Variants in ANKRD31 observed in about 807,000 individuals in gnomAD.
ANKRD31 encodes ankyrin repeat domain-containing protein 31.
Under a neutral mutation model 186.0 loss-of-function variants are expected in ANKRD31, and 147 were observed. The observed-to-expected ratio is 0.79, with a 90% CI of 0.69 to 0.91. The LOEUF is 0.91. Among genes scored for constraint, ANKRD31 ranks in the 40% least tolerant of loss-of-function variants. ANKRD31 has a pLI of 0.00. For synonymous variants in ANKRD31, 673 were observed against 736.4 expected (o/e 0.91, Z 1.39); for missense variants, 1,986 against 2,148.8 (o/e 0.92, Z 1.50).
At chr5:75,195,155 A>G (rs1372006048) in intron 7 of ANKRD31, among the ~76,000 whole-genome samples, 1 of 152,098 alleles carries the variant, frequency 6.6e-6, no homozygotes, top group African/African-American at 2.4e-5. Flanking sequence ...TAAGCTAGGC[A>G]TATTTTTTCC....
In ANKRD31 at chr5:75,104,409, G is replaced by C; in HGVS notation, c.5150C>G (p.Ser1717Cys). ...ACTGTCATCTGCACATGGAACAACA[G>C]AAACTGATTTTTTAAGATATGGTTT... is the stretch of plus-strand genomic sequence containing the variant. ...QMKPYLKKSV[S>C]VVPCADDSQI... Residue 1717 changes from serine to cysteine, a missense_variant, in exon 22 of 26, where the codon TCT becomes TGT. Physicochemically the swap from Ser to Cys is moderately radical, Grantham distance 112. Coordinates refer to ENST00000506364, the MANE Select transcript of ANKRD31 (RefSeq NM_001372053.1). 1.3e-6 allele frequency: 2 copies of C among 1,537,206 alleles called. No individual in the cohort carries two copies. The highest frequency in any genetic ancestry group is 1.7e-6 in the Non-Finnish European group (2 of 1,146,904).
At chr5:75,140,236 A>C (rs1314374764) in intron 15 of ANKRD31, among the ~76,000 whole-genome samples, 1 of 75,992 alleles carries the variant, frequency 1.3e-5, no homozygotes, top group Non-Finnish European at 2.2e-5. Flanking sequence ...AGAAAGAAAG[A>C]AGGAAGGAAG....
intron 10 of ANKRD31, among the ~76,000 whole-genome samples, chr5:75,181,752 G>T (rs1754315442): frequency 8.9e-6 from 1 of 111,928 alleles, no homozygotes; most frequent in Non-Finnish European, 1.7e-5. Flanking sequence ...GGGGAGGGGG[G>T]AGGGATAGCT....
intron 1 of ANKRD31, among the ~76,000 whole-genome samples, chr5:75,233,052 T>A (rs534482648): frequency 3.4e-5 from 5 of 145,316 alleles, no homozygotes; most frequent in South Asian, 4.4e-4. Context: ...TTTCTTTTTT[T>A]AATTTTTTCT....
chr5:75,135,350 C>T (rs896351096), intron 17 of ANKRD31, among the ~76,000 whole-genome samples: 2 of 152,212 alleles, frequency 1.3e-5, no homozygotes, highest in African/African-American at 2.4e-5. Flanking sequence ...GCAAAAATCA[C>T]AGGCATTCCT....
At chr5:75,091,498 C>T (rs1745919654) in intron 22 of ANKRD31, 97 bp from the exon 23 acceptor site, 7 of 1,045,180 alleles carry the variant, frequency 6.7e-6, no homozygotes, top group Non-Finnish European at 9.4e-6. Context: ...ACCACATATA[C>T]CCTAACACCT....
intron 17 of ANKRD31, among the ~76,000 whole-genome samples, chr5:75,134,853 C>G (rs1028533597): frequency 2.0e-5 from 3 of 152,108 alleles, no homozygotes; most frequent in African/African-American, 7.2e-5. Context: ...GGATACAAGG[C>G]TGGTTCAACA....
chr5:75,175,329 A>C (rs11957454), intron 10 of ANKRD31, among the ~76,000 whole-genome samples: 7,430 of 152,250 alleles, frequency 0.049, 397 homozygotes, highest in African/African-American at 0.13. Flanking sequence ...ATGTATACCT[A>C]TGTAACAAAC....
intron 16 of ANKRD31, among the ~76,000 whole-genome samples, chr5:75,138,617 C>T (rs1021316254): frequency 2.6e-5 from 4 of 152,094 alleles, no homozygotes; most frequent in Non-Finnish European, 5.9e-5. Context: ...GTTCTGTCTA[C>T]CCTCTCTGAT....
intron 5 of ANKRD31, among the ~76,000 whole-genome samples, chr5:75,203,979 AGT>A (rs1229494048): frequency 6.6e-6 from 1 of 152,186 alleles, no homozygotes; most frequent in Non-Finnish European, 1.5e-5. Context: ...AAAATCAGAA[AGT>A]CTTTTATATT....
intron 17 of ANKRD31, among the ~76,000 whole-genome samples, chr5:75,130,266 G>A (rs1272644996): frequency 1.3e-5 from 2 of 152,218 alleles, no homozygotes; most frequent in Non-Finnish European, 2.9e-5. Context: ...CACCATGAGT[G>A]TTACAGCTCA....
rs146037060 is a variant in ANKRD31 at position 75,101,465 on chromosome 5, T to A, written c.5331+2763A>T. 8.8e-3 allele frequency among the ~76,000 whole-genome samples: 1,338 copies of A among 152,260 alleles called. 8 individuals are homozygous for A. The highest frequency in any genetic ancestry group is 0.014 in the Admixed American group (219 of 15,300). On this transcript the variant is annotated intron_variant, in intron 22 of 25. Coordinates refer to ENST00000506364, the MANE Select transcript of ANKRD31 (RefSeq NM_001372053.1). ...TCTCTGTATTTCTTAAATTTGAACG[T>A]TGGTCTGCCTTGGTAGGTTGGGGAA...
chr5:75,150,698 G>A (rs1751780522), intron 12 of ANKRD31, among the ~76,000 whole-genome samples: 1 of 151,862 alleles, frequency 6.6e-6, no homozygotes. Context: ...TCTGGATTTG[G>A]AGAAAAGACT....
chr5:75,096,117 A>G (rs1402431717), intron 22 of ANKRD31, among the ~76,000 whole-genome samples: 1 of 152,196 alleles, frequency 6.6e-6, no homozygotes, highest in Non-Finnish European at 1.5e-5. Flanking sequence ...GAACTGAAAT[A>G]ATTTACATTC....
chr5:75,139,766 C>T lies in ANKRD31; in HGVS notation c.3596-783G>A, dbSNP rs777153535. Among the ~76,000 whole-genome samples, 7 of 152,250 alleles carry T rather than the reference C, an allele frequency of 4.6e-5. No homozygotes were observed. The East Asian group carries it at 7.7e-4, about 17-fold the overall frequency. On this transcript the variant is annotated intron_variant, in intron 15 of 25. Coordinates refer to ENST00000506364, the MANE Select transcript of ANKRD31 (RefSeq NM_001372053.1). ...TAGAGAGAGAGCCAATCTGAACTCA[C>T]GCACTCCACACTTGGGGAAATGAGG...
intron 19 of ANKRD31, among the ~76,000 whole-genome samples, chr5:75,114,065 A>G (rs185180168): frequency 8.0e-4 from 122 of 152,298 alleles, no homozygotes; most frequent in African/African-American, 2.7e-3. Flanking sequence ...TGTCTAGTTA[A>G]GCTTTGTGTT....
chr5:75,162,950 CACCT>C, intron 11 of ANKRD31, among the ~76,000 whole-genome samples: 1 of 152,138 alleles, frequency 6.6e-6, no homozygotes, highest in Middle Eastern at 3.4e-3. Context: ...TTTGGTTCTC[CACCT>C]ACCTGTATGT....
At chr5:75,153,060 T>A (rs1412299484) in intron 12 of ANKRD31, among the ~76,000 whole-genome samples, 1 of 152,036 alleles carries the variant, frequency 6.6e-6, no homozygotes. Flanking sequence ...CTAAGGTACA[T>A]TCTCTTCCTC....
At position 75,104,946 on chromosome 5, in the gene ANKRD31, C is replaced by T; in HGVS notation, c.4613G>A (p.Ser1538Asn). 1 of 1,537,044 alleles carries T rather than the reference C, an allele frequency of 6.5e-7. No individual in the cohort carries two copies. The highest frequency in any genetic ancestry group is 8.7e-7 in the Non-Finnish European group (1 of 1,146,870). ...CAGAGACAATTGTGTTTCCTGCATG[C>T]TTCCAGAAACAGGAGAAAGTGAACC... is the stretch of plus-strand genomic sequence containing the variant. Reference protein sequence around the residue: ...QSGSLSPVSGSMQETQLSLET... With the variant: ...QSGSLSPVSGNMQETQLSLET... The change falls in exon 22 of 26, where the codon AGC becomes AAC. Residue 1538 changes from serine to asparagine, a missense_variant. By Grantham distance (46) the Ser-to-Asn change is conservative. Coordinates refer to ENST00000506364, the MANE Select transcript of ANKRD31 (RefSeq NM_001372053.1).
Sources: allele counts gnomAD v4.1 joint callset (sites outside exome capture counted in the v4.1 genomes callset), GRCh38; gene constraint gnomAD v4.1.1; transcripts MANE v1.5; gene names NCBI Gene and HGNC (gene_info 2026-07-23, HGNC 2026-07-21).